SLC25A18: variants seen among roughly 807,000 people sequenced by gnomAD.
SLC25A18 encodes the protein solute carrier family 25 member 18, also known as mitochondrial glutamate carrier 2.
In SLC25A18, 24 loss-of-function variants were observed where a neutral mutation model predicts 31.1. That is an observed-to-expected ratio of 0.77 (90% confidence interval 0.56 to 1.08). The LOEUF (loss-of-function observed/expected upper bound fraction) is 1.08. Among genes scored for constraint, SLC25A18 ranks in the 50% least tolerant of loss-of-function variants. The probability of loss-of-function intolerance (pLI) is 0.00; values close to 1 mark genes in which losing one functional copy is unlikely to be tolerated. For missense variants in SLC25A18, 371 were observed against 418.5 expected (o/e 0.89, Z 0.99); for synonymous variants, 173 against 161.9 (o/e 1.07, Z -0.52).
intron 5 of SLC25A18, chr22:17,581,616 C>A (rs2057376892): frequency 1.7e-6 from 1 of 580,276 alleles, no homozygotes; most frequent in South Asian, 2.2e-5. Flanking sequence ...GCACACCCCC[C>A]GCCACCGCCT....
At chr22:17,575,719 G>A (rs2057214054) in intron 2 of SLC25A18, among the ~76,000 whole-genome samples, 1 of 152,160 alleles carries the variant, frequency 6.6e-6, no homozygotes, top group Non-Finnish European at 1.5e-5. Context: ...TCCTAGAATG[G>A]GGTATGCTCA....
chr22:17,568,862 G>A (rs1224244850), intron 1 of SLC25A18, among the ~76,000 whole-genome samples: 1 of 150,922 alleles, frequency 6.6e-6, no homozygotes, highest in East Asian at 2.0e-4. Flanking sequence ...TGCCCGGCCT[G>A]TATAAAGTAC....
intron 7 of SLC25A18, among the ~76,000 whole-genome samples, chr22:17,586,850 T>TG (rs1430925128): frequency 1.3e-5 from 2 of 152,226 alleles, no homozygotes; most frequent in African/African-American, 4.8e-5. Context: ...GGGTAAGGAA[T>TG]GGAGCCCTAA....
At chr22:17,578,652 C>T (rs908493138) in intron 2 of SLC25A18, among the ~76,000 whole-genome samples, 2 of 152,212 alleles carry the variant, frequency 1.3e-5, no homozygotes, top group Non-Finnish European at 2.9e-5. Flanking sequence ...TCACTCTGGC[C>T]AGGCATGGTG....
intron 4 of SLC25A18, 82 bp from the exon 5 acceptor site, chr22:17,581,276 G>T (rs1324192530): frequency 6.3e-7 from 1 of 1,599,454 alleles, no homozygotes. Flanking sequence ...CTGATCAGCT[G>T]GGATGTGCCC....
chr22:17,563,736 C>G, intron 1 of SLC25A18, 23 bp downstream of exon 1: 1 of 985,154 alleles, frequency 1.0e-6, no homozygotes, highest in Non-Finnish European at 1.2e-6. Context: ...TAAATACCCA[C>G]CGTGAGCCTT....
intron 1 of SLC25A18, among the ~76,000 whole-genome samples, chr22:17,567,282 CAACTT>C (rs695395): frequency 0.39 from 59,226 of 151,744 alleles, 11,913 homozygotes; most frequent in African/African-American, 0.49. Flanking sequence ...GCAACACAGA[CAACTT>C]AAGTAACTTG....
intron 2 of SLC25A18, among the ~76,000 whole-genome samples, chr22:17,577,866 G>A (rs886900466): frequency 1.3e-5 from 2 of 151,458 alleles, no homozygotes; most frequent in Non-Finnish European, 2.9e-5. Flanking sequence ...TAGTAGAGAC[G>A]GGGTTTCACC....
chr22:17,574,891 G>A (rs192378635), intron 2 of SLC25A18, among the ~76,000 whole-genome samples: 2,722 of 134,856 alleles, frequency 0.02, 86 homozygotes, highest in African/African-American at 0.069. Flanking sequence ...TCGCTCTGTC[G>A]CCCAGGCTAG....
rs150407916 is a variant in SLC25A18 at position 17,566,280 on chromosome 22, A to C, written c.-264+2567A>C. On this transcript the variant is annotated intron_variant, in intron 1 of 10. Transcript: ENST00000327451. ...CTTCTAACACTCTCAGTGGGGGGATAATGTATCTTCCTCCTGCTGATGCGT... is the reference window on the plus strand; with the variant it reads ...CTTCTAACACTCTCAGTGGGGGGATCATGTATCTTCCTCCTGCTGATGCGT... Among the ~76,000 whole-genome samples the C allele has an allele frequency of 6.0e-3, 911 of 152,156 alleles. 10 individuals are homozygous for C. The highest frequency in any genetic ancestry group is 0.021 in the African/African-American group (867 of 41,486).
chr22:17,569,318 C>A (rs2057028664), intron 1 of SLC25A18, among the ~76,000 whole-genome samples: 1 of 152,180 alleles, frequency 6.6e-6, no homozygotes, highest in African/African-American at 2.4e-5. Context: ...CTCTTCTTTG[C>A]TTTTTACACT....
chr22:17,576,718 A>G (rs1933917247), intron 2 of SLC25A18, among the ~76,000 whole-genome samples: 2 of 152,134 alleles, frequency 1.3e-5, no homozygotes, highest in Admixed American at 1.3e-4. Context: ...TGCGAAAGGG[A>G]ACTTCCGGGG....
chr22:17,589,651 C>T lies in SLC25A18; in HGVS notation c.792C>T (p.Ile264=). 6.2e-7 allele frequency: 1 copy of T among 1,614,044 alleles called. No individual in the cohort carries two copies. ...KGLGEDMYSG[I]TDCARKLWIQ... is the part of the protein sequence containing the mutation. ...TGGGCGAGGACATGTACAGTGGGAT[C>T]ACCGACTGTGCCAGGTGAGAGCCAG... The change falls in exon 10 of 11, where the codon ATC becomes ATT. Residue 264 remains isoleucine, a synonymous_variant. Transcript: ENST00000327451.
rs1555951983 is a variant in SLC25A18 at position 17,585,650 on chromosome 22, A to ATTATTATTT, written c.410-1484_410-1483insATTATTTTT. Among the ~76,000 whole-genome samples, 510 of 137,176 alleles carry ATTATTATTT rather than the reference A, an allele frequency of 3.7e-3. 7 individuals carry two copies. The highest frequency in any genetic ancestry group is 0.013 in the African/African-American group (463 of 35,844). 90.0% of individuals were successfully genotyped at this position (137,176 alleles called of 152,430 possible). A position where few individuals can be genotyped will look rare whatever the true frequency, so the allele number is the denominator to read the frequency against. On this transcript the variant is annotated intron_variant, in intron 7 of 10. Coordinates refer to ENST00000327451, the MANE Select transcript of SLC25A18 (RefSeq NM_031481.3). ...TATTTATTTTATTATTATTATTATT[A>ATTATTATTT]TTTTTTTTTTTTTTTTGAGGCAGAG...
Position 17,589,581 on chromosome 22 carries a change from T to C in SLC25A18, c.731-9T>C. Reference sequence around the variant, plus strand: ...GTTCACTACTTACTTTAACTTTTACTTGATTTAGTTCTGAAAACTCGAATC... The same window carrying C: ...GTTCACTACTTACTTTAACTTTTACCTGATTTAGTTCTGAAAACTCGAATC... On this transcript the variant is annotated splice_polypyrimidine_tract_variant and intron_variant, in intron 9 of 10. Coordinates refer to ENST00000327451, the MANE Select transcript of SLC25A18 (RefSeq NM_031481.3). 2 of 1,613,884 alleles carry C rather than the reference T, an allele frequency of 1.2e-6. No homozygotes were observed. The highest frequency in any genetic ancestry group is 1.7e-6 in the Non-Finnish European group (2 of 1,179,812).
At chr22:17,589,991 G>C in intron 10 of SLC25A18, 104 bp from the exon 11 acceptor site, 1 of 1,472,208 alleles carries the variant, frequency 6.8e-7, no homozygotes, top group Non-Finnish European at 9.2e-7. Context: ...TGTTGTGGAA[G>C]GCACTATTCT....
At chr22:17,563,835 A>G in intron 1 of SLC25A18, 122 bp downstream of exon 1, 2 of 518,106 alleles carry the variant, frequency 3.9e-6, no homozygotes, top group South Asian at 8.3e-5. Flanking sequence ...GTGAATACAG[A>G]ATACAGAAAA....
intron 8 of SLC25A18, among the ~76,000 whole-genome samples, chr22:17,587,709 G>A (rs1191203577): frequency 6.6e-6 from 1 of 152,238 alleles, no homozygotes; most frequent in African/African-American, 2.4e-5. Context: ...AGGTGCTGCA[G>A]GGCAGAGGAA....
chr22:17,588,280 T>TG, intron 9 of SLC25A18: 1 of 565,452 alleles, frequency 1.8e-6, no homozygotes, highest in Non-Finnish European at 3.1e-6. Flanking sequence ...GCCTTCAAGA[T>TG]GCTGATTGCT....
Sources: allele counts gnomAD v4.1 joint callset (sites outside exome capture counted in the v4.1 genomes callset), GRCh38; gene constraint gnomAD v4.1.1; transcripts MANE v1.5; gene names NCBI Gene and HGNC (gene_info 2026-07-23, HGNC 2026-07-21).